Variants in VAT1L observed in about 807,000 individuals in gnomAD.
VAT1L encodes the protein vesicle amine transport 1 like.
A neutral mutation model predicts 44.1 loss-of-function variants in VAT1L; 34 were observed. The ratio of observed to expected loss-of-function variants is 0.77; its 90% CI spans 0.59 to 1.03. The LOEUF is 1.03. VAT1L is among the 50% of genes least tolerant of loss of function. The probability of loss-of-function intolerance (pLI) is 0.00; values close to 1 mark genes in which losing one functional copy is unlikely to be tolerated. For missense variants in VAT1L, 615 were observed against 538.8 expected, an observed-to-expected ratio of 1.14 and a Z score of -1.40; for synonymous variants, 253 against 202.2, an observed-to-expected ratio of 1.25 and a Z score of -2.13.
chr16:77,903,922 A>G (rs1567503725), intron 7 of VAT1L, among the ~76,000 whole-genome samples: 1 of 151,406 alleles, frequency 6.6e-6, no homozygotes, highest in Non-Finnish European at 1.5e-5. Flanking sequence ...ATTTTTAGTA[A>G]AGACAGGGTT....
At chr16:77,964,727 C>T (rs2018203074) in intron 7 of VAT1L, among the ~76,000 whole-genome samples, 1 of 151,274 alleles carries the variant, frequency 6.6e-6, no homozygotes, top group South Asian at 2.1e-4. Flanking sequence ...TCTCCCCCAA[C>T]CCCTCACCAT....
At chr16:77,827,934 G>T (rs2016541424) in intron 3 of VAT1L, among the ~76,000 whole-genome samples, 1 of 152,186 alleles carries the variant, frequency 6.6e-6, no homozygotes, top group African/African-American at 2.4e-5. Flanking sequence ...GATTTAGTGA[G>T]AGCATATATT....
intron 3 of VAT1L, among the ~76,000 whole-genome samples, chr16:77,847,964 C>A (rs796478669): frequency 1.1e-4 from 16 of 152,180 alleles, no homozygotes; most frequent in African/African-American, 3.6e-4. Flanking sequence ...GGGTTATCAC[C>A]TTCCAGGCCA....
chr16:77,870,441 T>C (rs1027260901), intron 4 of VAT1L, among the ~76,000 whole-genome samples: 5 of 152,128 alleles, frequency 3.3e-5, no homozygotes, highest in Non-Finnish European at 7.4e-5. Context: ...CTTGGCAAGG[T>C]CAAAGGGTTT....
chr16:77,906,077 A>T (rs1391674401), intron 7 of VAT1L, among the ~76,000 whole-genome samples: 1 of 152,168 alleles, frequency 6.6e-6, no homozygotes, highest in Non-Finnish European at 1.5e-5. Flanking sequence ...ATGAGTGTTG[A>T]ATTAATGGTT....
rs531683414 is a variant in VAT1L, at chr16:77,853,900, G to A, written c.580-8848G>A. ...TCATACCTGTAATCCTAGCACTTTG[G>A]GAGGCCAAGGAGAGTTCAGGATTTC... On this transcript the variant is annotated intron_variant, in intron 3 of 8. Coordinates refer to ENST00000302536, the MANE Select transcript of VAT1L (RefSeq NM_020927.3). 1.7e-3 allele frequency among the ~76,000 whole-genome samples: 266 copies of A among 152,140 alleles called. 1 individual carries two copies. The highest frequency in any genetic ancestry group is 3.5e-3 in the Non-Finnish European group (236 of 67,996).
chr16:77,932,320 T>C (rs1292240912), intron 7 of VAT1L, among the ~76,000 whole-genome samples: 3 of 152,160 alleles, frequency 2.0e-5, no homozygotes, highest in African/African-American at 7.2e-5. Flanking sequence ...TTAGCCAGGA[T>C]GGTGTCCATC....
At chr16:77,872,954 G>A (rs374798745) in intron 4 of VAT1L, among the ~76,000 whole-genome samples, 17 of 152,082 alleles carry the variant, frequency 1.1e-4, no homozygotes, top group Non-Finnish European at 8.8e-5. Context: ...ATAAACTCTC[G>A]GGGAAAACCA....
chr16:77,974,892 G>A (rs2018319137), intron 8 of VAT1L, among the ~76,000 whole-genome samples: 1 of 152,022 alleles, frequency 6.6e-6, no homozygotes, highest in Non-Finnish European at 1.5e-5. Flanking sequence ...TTATCCCTGG[G>A]ACCTAAAGAA....
At chr16:77,807,906 G>A (rs1232956241) in intron 1 of VAT1L, among the ~76,000 whole-genome samples, 1 of 152,144 alleles carries the variant, frequency 6.6e-6, no homozygotes, top group African/African-American at 2.4e-5. Flanking sequence ...GCAGAGGACT[G>A]CTTGGAATAA....
chr16:77,942,440 CT>C (rs71960096), intron 7 of VAT1L, among the ~76,000 whole-genome samples: 26,397 of 151,380 alleles, frequency 0.17, 2,526 homozygotes, highest in East Asian at 0.32. Context: ...TGATGTTGAG[CT>C]TTTTTTTTCA....
At chr16:77,915,252 A>T (rs1194066144) in intron 7 of VAT1L, among the ~76,000 whole-genome samples, 3 of 152,258 alleles carry the variant, frequency 2.0e-5, no homozygotes, top group African/African-American at 7.2e-5. Context: ...GCTTTACAGT[A>T]AAGAGTATTG....
At chr16:77,946,265 C>G (rs1020707518) in intron 7 of VAT1L, among the ~76,000 whole-genome samples, 1 of 106,340 alleles carries the variant, frequency 9.4e-6, no homozygotes. Context: ...TTCTGGACAT[C>G]TAGGTTACTT....
intron 1 of VAT1L, among the ~76,000 whole-genome samples, chr16:77,810,968 T>G (rs1214993311): frequency 6.6e-6 from 1 of 152,220 alleles, no homozygotes; most frequent in Non-Finnish European, 1.5e-5. Flanking sequence ...TTCTGAAGAT[T>G]CTTTGGCAGT....
intron 3 of VAT1L, among the ~76,000 whole-genome samples, chr16:77,837,780 T>G (rs1390139741): frequency 6.6e-6 from 1 of 152,208 alleles, no homozygotes; most frequent in African/African-American, 2.4e-5. Context: ...CTAATACGTA[T>G]TGTATCCTTA....
At chr16:77,876,134 T>C (rs1032522566) in intron 4 of VAT1L, among the ~76,000 whole-genome samples, 2 of 152,160 alleles carry the variant, frequency 1.3e-5, no homozygotes, top group Non-Finnish European at 2.9e-5. Context: ...CCCAGGCTGG[T>C]TCCCAGTGGC....
chr16:77,887,795 G>A (rs73579164), intron 7 of VAT1L, among the ~76,000 whole-genome samples: 38 of 152,292 alleles, frequency 2.5e-4, no homozygotes, highest in African/African-American at 6.7e-4. Context: ...TAGCACTGTC[G>A]TCTAAGCTGG....
At chr16:77,972,038 G>A (rs574390973) in intron 8 of VAT1L, 105 bp downstream of exon 8, 2 of 1,027,110 alleles carry the variant, frequency 1.9e-6, no homozygotes, top group South Asian at 3.3e-5. Context: ...GTAGCCTGTG[G>A]GCTAGTGGAG....
intron 3 of VAT1L, among the ~76,000 whole-genome samples, chr16:77,832,269 G>C (rs148552159): frequency 6.6e-6 from 1 of 152,282 alleles, no homozygotes; most frequent in African/African-American, 2.4e-5. Context: ...CCAAGATAAA[G>C]AGTTGGAGAG....
Sources: gnomAD v4.1 joint callset for allele counts (sites outside exome capture counted in the v4.1 genomes callset) on GRCh38, gnomAD v4.1.1 for gene constraint, MANE v1.5 for transcripts, NCBI Gene and HGNC (gene_info 2026-07-23, HGNC 2026-07-21) for gene names.